MYO18A: variants seen among roughly 807,000 people sequenced by gnomAD.
MYO18A encodes the protein myosin XVIIIA.
Under a neutral mutation model 235.8 loss-of-function variants are expected in MYO18A, and 78 were observed. That is an observed-to-expected ratio of 0.33 (90% CI 0.28 to 0.40). The LOEUF is 0.40. MYO18A is among the 10% of genes least tolerant of loss of function. MYO18A has a pLI of 1.00. For synonymous variants in MYO18A, 977 were observed against 1,077.8 expected (o/e 0.91, Z 1.83); for missense variants, 2,215 against 2,699.3 (o/e 0.82, Z 3.98).
At position 29,118,012 on chromosome 17, in the gene MYO18A, C is replaced by T; in HGVS notation, c.2038+33G>A. On this transcript the variant is annotated intron_variant, in intron 10 of 41. Transcript: ENST00000527372. The surrounding 1 kb of genome is among the most constrained non-coding windows in gnomAD (Gnocchi z 4.2). ...GGTCCCTGTGAGGTCACCCAGGGGA[C>T]AGGCCAGCCTACTGGGACCCACTGC... The T allele has an allele frequency of 6.4e-7, 1 of 1,560,314 alleles. No individual in the cohort carries two copies. The highest frequency in any genetic ancestry group is 8.7e-7 in the Non-Finnish European group (1 of 1,152,648).
chr17:29,169,798 C>T (rs191818019), intron 1 of MYO18A, among the ~76,000 whole-genome samples: 50 of 152,142 alleles, frequency 3.3e-4, no homozygotes, highest in Non-Finnish European at 5.6e-4. Context: ...CCCACCAAGA[C>T]GCCCAATTCT....
intron 1 of MYO18A, among the ~76,000 whole-genome samples, chr17:29,170,641 G>GA (rs1429603886): frequency 6.6e-6 from 1 of 152,100 alleles, no homozygotes; most frequent in African/African-American, 2.4e-5. Flanking sequence ...CATACTCTAA[G>GA]AAGTTTTTCC....
At chr17:29,175,513 G>T (rs1454170384) in intron 1 of MYO18A, among the ~76,000 whole-genome samples, 1 of 151,288 alleles carries the variant, frequency 6.6e-6, no homozygotes, top group African/African-American at 2.4e-5. Flanking sequence ...ACAGGCACTC[G>T]CCACCACACC....
chr17:29,153,621 A>T lies in MYO18A; in HGVS notation c.999+12321T>A, dbSNP rs144520961. On this transcript the variant is annotated intron_variant, in intron 2 of 41. Coordinates refer to ENST00000527372, the MANE Select transcript of MYO18A (RefSeq NM_078471.4). Reference sequence around the variant, plus strand: ...AGCAATGTGTTAACAACACCTTCGCAACCACACACAACTCCTCACCTGTGG... The same window carrying T: ...AGCAATGTGTTAACAACACCTTCGCTACCACACACAACTCCTCACCTGTGG... Among the ~76,000 whole-genome samples the T allele has an allele frequency of 2.4e-3, 370 of 152,252 alleles. 6 individuals carry two copies. The highest frequency in any genetic ancestry group is 0.02 in the Admixed American group (305 of 15,280).
chr17:29,097,123 A>C, intron 27 of MYO18A, 100 bp downstream of exon 27: 1 of 1,527,330 alleles, frequency 6.5e-7, no homozygotes, highest in Non-Finnish European at 8.8e-7. Context: ...GATCCATTCC[A>C]GCCAGGCCTG....
In MYO18A at chr17:29,114,061, G is replaced by A; in HGVS notation, c.2548C>T (p.Pro850Ser). ...IELAFDDLEP[P>S]TDDSVAAVDQ... ...ACAGCAGCCACAGAGTCATCCGTCG[G>A]GGGTTCCAAGTCGTCAAACGCCAGC... Residue 850 changes from proline to serine, a missense_variant, in exon 15 of 42, where the codon CCG becomes TCG. Transcript: ENST00000527372. 6.2e-7 allele frequency: 1 copy of A among 1,602,928 alleles called. No homozygotes were observed. The highest frequency in any genetic ancestry group is 1.1e-5 in the South Asian group (1 of 88,680).
In MYO18A at chr17:29,080,312, G is replaced by A. The variant is rs749977410; in HGVS notation, c.6020+2004C>T. On this transcript the variant is annotated intron_variant, in intron 41 of 41. Transcript: ENST00000527372. The stretch of plus-strand genomic sequence containing the variant: ...AGGTAGGAGTGACGGCTGACGGAGC[G>A]GACGCTGGAGCTGGGAGGCTCATCC... 5.4e-4 allele frequency: 530 copies of A among 986,082 alleles called. 1 individual carries two copies. The highest frequency in any genetic ancestry group is 1.0e-3 in the Middle Eastern group (2 of 1,916). The allele number at this position is 986,082 out of a possible 1,614,324, so 61.1% of individuals were successfully genotyped here.
chr17:29,083,250 G>A (rs567761978), intron 40 of MYO18A, among the ~76,000 whole-genome samples: 3 of 152,166 alleles, frequency 2.0e-5, no homozygotes, highest in East Asian at 3.9e-4. Flanking sequence ...GTGCTTCATC[G>A]GGCAGAGCTG....
chr17:29,098,652 G>A (rs985226313), intron 23 of MYO18A, among the ~76,000 whole-genome samples, 174 bp downstream of exon 23: 30 of 152,260 alleles, frequency 2.0e-4, no homozygotes, highest in Middle Eastern at 3.4e-3. Flanking sequence ...AGATTTTATC[G>A]TAAGAGGCTG....
At chr17:29,085,137 A>T (rs952444479) in intron 40 of MYO18A, among the ~76,000 whole-genome samples, 1 of 152,248 alleles carries the variant, frequency 6.6e-6, no homozygotes, top group Non-Finnish European at 1.5e-5. Context: ...TTGTCTGCCA[A>T]GAGAAGGTAG....
rs746918134 is a variant in MYO18A at position 29,098,208 on chromosome 17, G to A, written c.3887C>T (p.Ser1296Leu). The change falls in exon 25 of 42, where the codon TCG becomes TTG. Residue 1296 changes from serine to leucine, a missense_variant. By Grantham distance (145) the Ser-to-Leu change is moderately radical (BLOSUM62 -2). Transcript: ENST00000527372. ...TGTGTTACGCTCATCTGTCAGCTCCGATGTCAGCTCTGAGATCTGGGGTTG... is the reference window on the plus strand; with the variant it reads ...TGTGTTACGCTCATCTGTCAGCTCCAATGTCAGCTCTGAGATCTGGGGTTG... Reference protein sequence around the residue: ...RLESRISELTSELTDERNTGE... With the variant: ...RLESRISELTLELTDERNTGE... 1.5e-5 allele frequency: 25 copies of A among 1,613,838 alleles called. No homozygotes were observed. The highest frequency in any genetic ancestry group is 2.2e-5 in the East Asian group (1 of 44,904).
chr17:29,075,119 G>T, intron 41 of MYO18A: 1 of 569,010 alleles, frequency 1.8e-6, no homozygotes, highest in Non-Finnish European at 3.2e-6. Context: ...AAGCTCCGAG[G>T]AAAGGGATGC....
In MYO18A at chr17:29,085,589, C is replaced by A. The variant is rs374357027; in HGVS notation, c.5897+15G>T. 8.7e-6 allele frequency: 14 copies of A among 1,613,064 alleles called. No individual in the cohort carries two copies. The Admixed American group carries it at 2.0e-4, about 23-fold the overall frequency. On this transcript the variant is annotated intron_variant, in intron 40 of 41. Coordinates refer to ENST00000527372, the MANE Select transcript of MYO18A (RefSeq NM_078471.4). ...CGCGAGGACAGGCAGAGAGCACATG[C>A]GCTCCAGTCCTCACAGTTTATTCTT... is the stretch of plus-strand genomic sequence containing the variant.
At chr17:29,080,898 G>T in intron 41 of MYO18A, 1 of 985,484 alleles carries the variant, frequency 1.0e-6, no homozygotes, top group Non-Finnish European at 1.2e-6. Flanking sequence ...CCGCGTCCCC[G>T]GTGCCCCCGA....
At chr17:29,162,211 A>C (rs946736111) in intron 2 of MYO18A, among the ~76,000 whole-genome samples, 11 of 152,208 alleles carry the variant, frequency 7.2e-5, no homozygotes, top group African/African-American at 2.7e-4. Context: ...ACCCTAGAGC[A>C]TGCTCCATAA....
At chr17:29,172,032 T>C (rs1241411400) in intron 1 of MYO18A, among the ~76,000 whole-genome samples, 1 of 152,220 alleles carries the variant, frequency 6.6e-6, no homozygotes, top group Non-Finnish European at 1.5e-5. Context: ...TCTTTAACTT[T>C]TCTGAATGTT....
At chr17:29,122,082 T>A in intron 3 of MYO18A, 84 bp downstream of exon 3, 1 of 1,530,814 alleles carries the variant, frequency 6.5e-7, no homozygotes, top group Non-Finnish European at 9.0e-7. Flanking sequence ...TGCTCAGCCC[T>A]CACCAGATGC....
At chr17:29,132,545 G>A (rs1047952920) in intron 2 of MYO18A, among the ~76,000 whole-genome samples, 1 of 152,120 alleles carries the variant, frequency 6.6e-6, no homozygotes, top group African/African-American at 2.4e-5. Context: ...GATTCCTAAG[G>A]GAAAAAATCT....
At chr17:29,116,329 G>A in intron 11 of MYO18A, 115 bp downstream of exon 11, 1 of 1,219,108 alleles carries the variant, frequency 8.2e-7, no homozygotes, top group East Asian at 2.3e-5. Context: ...GCCCAACAGT[G>A]GGGAGGCAAA....
Sources: gnomAD v4.1 joint callset for allele counts (sites outside exome capture counted in the v4.1 genomes callset) on GRCh38, gnomAD v4.1.1 for gene constraint, Gnocchi (gnomAD v3.1) non-coding constraint, MANE v1.5 for transcripts, NCBI Gene and HGNC (gene_info 2026-07-23, HGNC 2026-07-21) for gene names.